Variants in RBFOX1 observed in about 807,000 individuals in gnomAD.
RBFOX1 encodes the protein RNA binding fox-1 homolog 1.
In RBFOX1, 8 loss-of-function variants were observed where a neutral mutation model predicts 57.7. The ratio of observed to expected loss-of-function variants is 0.14; its 90% CI spans 0.08 to 0.25. RBFOX1 has a LOEUF of 0.25. Among genes scored for constraint, RBFOX1 ranks in the 10% least tolerant of loss-of-function variants. The pLI is 1.00. For synonymous variants in RBFOX1, 326 were observed against 222.4 expected, an observed-to-expected ratio of 1.47 and a Z score of -4.15; for missense variants, 611 against 548.5, an observed-to-expected ratio of 1.11 and a Z score of -1.14.
chr16:6,680,410 C>G (rs1182455657), intron 3 of RBFOX1, among the ~76,000 whole-genome samples: 3 of 151,670 alleles, frequency 2.0e-5, no homozygotes, highest in Non-Finnish European at 2.9e-5. Flanking sequence ...CTACAGGCAC[C>G]TGCCACCACA....
At chr16:5,529,203 A>G (rs551284455) in intron 2 of RBFOX1, among the ~76,000 whole-genome samples, 11 of 152,200 alleles carry the variant, frequency 7.2e-5, no homozygotes, top group African/African-American at 2.2e-4. Flanking sequence ...GGGAATGATC[A>G]TTATTTACCT....
At position 6,019,804 on chromosome 16, in the gene RBFOX1, G is replaced by C; in HGVS notation, c.-315G>C. 3 of 1,489,330 alleles carry C rather than the reference G, an allele frequency of 2.0e-6. No homozygotes were observed. The highest frequency in any genetic ancestry group is 2.7e-6 in the Non-Finnish European group (3 of 1,118,596). 92.3% of individuals were successfully genotyped at this position (1,489,330 alleles called of 1,614,324 possible). ...GTCCCCGCCTGTCCGGACCCTCGCCGCGCCCAGGCAGGCGCGCCAGGGCGG... is the reference window on the plus strand; with the variant it reads ...GTCCCCGCCTGTCCGGACCCTCGCCCCGCCCAGGCAGGCGCGCCAGGGCGG... On this transcript the variant is annotated 5_prime_UTR_variant, in exon 1 of 16. Transcript: ENST00000550418. The surrounding 1 kb of genome is among the most constrained non-coding windows in gnomAD (Gnocchi z 4.2).
chr16:7,244,614 C>G (rs2094213800), intron 4 of RBFOX1, among the ~76,000 whole-genome samples: 1 of 152,266 alleles, frequency 6.6e-6, no homozygotes, highest in African/African-American at 2.4e-5. Context: ...GCCTAGGGCT[C>G]GAGTTAGATT....
intron 2 of RBFOX1, among the ~76,000 whole-genome samples, chr16:6,388,123 G>A (rs899354453): frequency 5.3e-5 from 8 of 151,664 alleles, no homozygotes; most frequent in Non-Finnish European, 1.5e-5. Context: ...GGGACTACAG[G>A]TGCATGCTAA....
chr16:5,964,085 T>C (rs1004462046), intron 4 of RBFOX1, among the ~76,000 whole-genome samples: 2 of 152,116 alleles, frequency 1.3e-5, no homozygotes, highest in Non-Finnish European at 2.9e-5. Context: ...TTTTTAAAAA[T>C]AGACATAAGA....
At chr16:5,296,908 C>T (rs73510351) in intron 1 of RBFOX1, among the ~76,000 whole-genome samples, 2,624 of 152,040 alleles carry the variant, frequency 0.017, 62 homozygotes, top group African/African-American at 0.059. Flanking sequence ...CGAACTCCTA[C>T]CTCATGATCC....
chr16:7,250,661 A>G lies in RBFOX1; in HGVS notation c.27+198563A>G, dbSNP rs571812756. 1.4e-4 allele frequency among the ~76,000 whole-genome samples: 21 copies of G among 152,338 alleles called. No individual in the cohort carries two copies. In the South Asian group the frequency reaches 4.3e-3, roughly 32 times the overall value. ...ATTTAGAGGAGTGCATTTTACCATT[A>G]GACTCTTGAAGGACGTCATACTGAA... On this transcript the variant is annotated intron_variant, in intron 4 of 15. Transcript: ENST00000550418.
intron 1 of RBFOX1, among the ~76,000 whole-genome samples, chr16:6,131,141 G>A (rs2096626881): frequency 6.6e-6 from 1 of 152,144 alleles, no homozygotes; most frequent in Admixed American, 6.5e-5. Flanking sequence ...CATTCCTTTA[G>A]AGCTTTGGGT....
At chr16:5,965,468 A>T (rs1051298083) in intron 4 of RBFOX1, among the ~76,000 whole-genome samples, 7 of 152,110 alleles carry the variant, frequency 4.6e-5, no homozygotes, top group Non-Finnish European at 1.0e-4. Flanking sequence ...GGGTGGGGAA[A>T]CCAATCAAGC....
chr16:5,370,687 G>C (rs1365889465), intron 1 of RBFOX1, among the ~76,000 whole-genome samples: 2 of 151,758 alleles, frequency 1.3e-5, no homozygotes, highest in Non-Finnish European at 2.9e-5. Context: ...TAGAGACAGA[G>C]TCTCTGTGTT....
At chr16:6,512,555 C>CA (rs939850944) in intron 2 of RBFOX1, among the ~76,000 whole-genome samples, 2 of 152,078 alleles carry the variant, frequency 1.3e-5, no homozygotes, top group African/African-American at 4.8e-5. Flanking sequence ...AGACATTACA[C>CA]AAGAGCCTCT....
intron 4 of RBFOX1, among the ~76,000 whole-genome samples, chr16:7,373,904 A>C (rs904868693): frequency 6.6e-6 from 1 of 152,200 alleles, no homozygotes; most frequent in Non-Finnish European, 1.5e-5. Context: ...CTCAAATCTT[A>C]GCTTATAACT....
intron 1 of RBFOX1, among the ~76,000 whole-genome samples, chr16:6,310,042 C>G (rs1238807944): frequency 6.6e-6 from 1 of 152,092 alleles, no homozygotes; most frequent in Non-Finnish European, 1.5e-5. Context: ...TGCCTGCCAC[C>G]ACGCCCAGCT....
At chr16:6,528,460 A>C (rs115297632) in intron 2 of RBFOX1, among the ~76,000 whole-genome samples, 1 of 152,200 alleles carries the variant, frequency 6.6e-6, no homozygotes, top group Non-Finnish European at 1.5e-5. Flanking sequence ...GTTTGTTTAC[A>C]TGCACCCTAC....
rs1166399198 is a variant in RBFOX1 at position 5,428,118 on chromosome 16, GTGTC to G, written c.220-39094_220-39091del. Among the ~76,000 whole-genome samples the G allele has an allele frequency of 3.4e-3, 338 of 99,216 alleles. 1 individual carries two copies. The highest frequency in any genetic ancestry group is 0.011 in the African/African-American group (331 of 30,484). The allele number at this position is 99,216 out of a possible 152,430, so 65.1% of individuals were successfully genotyped here. ...TGGCTCTGGAAGGGTGTGTGTGTGT[GTGTC>G]TGTGTGTGTGTGTGTGTGTGTGTGT... On this transcript the variant is annotated intron_variant, in intron 1 of 2. Transcript: ENST00000585867.
At chr16:7,029,310 A>T (rs1421202209) in intron 3 of RBFOX1, among the ~76,000 whole-genome samples, 1 of 146,824 alleles carries the variant, frequency 6.8e-6, no homozygotes, top group African/African-American at 2.5e-5. Flanking sequence ...GTATATGTAT[A>T]TATATATAAA....
Position 6,980,474 on chromosome 16 carries a change from T to G in RBFOX1, c.-15-71583T>G, listed in dbSNP as rs534296725. 3.3e-5 allele frequency among the ~76,000 whole-genome samples: 5 copies of G among 152,314 alleles called. No homozygotes were observed. In the East Asian group the frequency reaches 9.7e-4, roughly 29 times the overall value. On this transcript the variant is annotated intron_variant, in intron 3 of 15. Transcript: ENST00000550418. The stretch of plus-strand genomic sequence containing the variant: ...AAACTTGTCTTCTTATGTTGAAATT[T>G]TTCTGGTGTTTGTTTGCATTCCTAG...
chr16:6,493,364 T>C (rs914027474), intron 2 of RBFOX1, among the ~76,000 whole-genome samples: 1 of 152,030 alleles, frequency 6.6e-6, no homozygotes, highest in Non-Finnish European at 1.5e-5. Context: ...CAGAAGAAAA[T>C]CAAATTTCCC....
At chr16:7,507,004 G>A (rs2151961968) in intron 4 of RBFOX1, among the ~76,000 whole-genome samples, 1 of 152,096 alleles carries the variant, frequency 6.6e-6, no homozygotes, top group Admixed American at 6.5e-5. Flanking sequence ...TCCCTCTAAA[G>A]CATCGTAAGA....
Sources: gnomAD v4.1 joint callset for allele counts (sites outside exome capture counted in the v4.1 genomes callset) on GRCh38, gnomAD v4.1.1 for gene constraint, Gnocchi (gnomAD v3.1) non-coding constraint, MANE v1.5 for transcripts, NCBI Gene and HGNC (gene_info 2026-07-23, HGNC 2026-07-21) for gene names.